Variants in OXR1 observed in about 807,000 individuals in gnomAD.
OXR1 encodes the protein oxidation resistance 1.
A neutral mutation model predicts 104.6 loss-of-function variants in OXR1; 41 were observed. The ratio of observed to expected loss-of-function variants is 0.39; its 90% CI spans 0.31 to 0.51. The LOEUF (loss-of-function observed/expected upper bound fraction) is 0.51. Among genes scored for constraint, OXR1 ranks in the 20% least tolerant of loss-of-function variants. OXR1 has a pLI of 0.77. For synonymous variants in OXR1, 348 were observed against 348.4 expected, an observed-to-expected ratio of 1.00 and a Z score of 0.01; for missense variants, 955 against 1,031.9, an observed-to-expected ratio of 0.93 and a Z score of 1.02.
intron 2 of OXR1, among the ~76,000 whole-genome samples, chr8:106,365,715 G>A (rs1047943562): frequency 6.6e-6 from 1 of 152,110 alleles, no homozygotes; most frequent in African/African-American, 2.4e-5. Context: ...TTTGAGCTAT[G>A]TGCCTTTAGA....
intron 2 of OXR1, among the ~76,000 whole-genome samples, chr8:106,411,025 C>A (rs1818436598): frequency 6.6e-6 from 1 of 152,102 alleles, no homozygotes; most frequent in South Asian, 2.1e-4. Context: ...AGCAAATAAA[C>A]CCTGCAGTGT....
intron 3 of OXR1, among the ~76,000 whole-genome samples, chr8:106,570,874 A>T (rs7830033): frequency 0.031 from 4,725 of 152,268 alleles, 132 homozygotes; most frequent in African/African-American, 0.073. Flanking sequence ...TTTCACTCTC[A>T]AACAAAATTA....
chr8:106,591,672 T>C (rs889386363), intron 3 of OXR1, among the ~76,000 whole-genome samples: 14 of 152,188 alleles, frequency 9.2e-5, no homozygotes, highest in African/African-American at 3.4e-4. Flanking sequence ...TAAATATTGC[T>C]ACCACCACCA....
intron 3 of OXR1, among the ~76,000 whole-genome samples, chr8:106,675,449 C>G (rs1036050016): frequency 2.0e-5 from 3 of 152,118 alleles, no homozygotes; most frequent in Non-Finnish European, 4.4e-5. Context: ...TTATAAGTTT[C>G]CCTCTTAACA....
At chr8:106,660,661 A>C (rs538379827) in intron 3 of OXR1, among the ~76,000 whole-genome samples, 2 of 152,318 alleles carry the variant, frequency 1.3e-5, no homozygotes, top group Non-Finnish European at 2.9e-5. Flanking sequence ...ATGTTCAGCA[A>C]TGATGTTGAT....
intron 3 of OXR1, among the ~76,000 whole-genome samples, chr8:106,548,782 A>G (rs561098069): frequency 6.6e-6 from 1 of 152,314 alleles, no homozygotes; most frequent in East Asian, 1.9e-4. Flanking sequence ...GTCATTTTCT[A>G]TTAATATGAA....
chr8:106,750,324 CT>C (rs35858491), intron 16 of OXR1, among the ~76,000 whole-genome samples: 16,147 of 137,602 alleles, frequency 0.12, 1,077 homozygotes, highest in East Asian at 0.3. Context: ...CTTTTCTTTT[CT>C]TTTTTTTTTT....
At chr8:106,708,987 A>G (rs1406214484) in intron 9 of OXR1, among the ~76,000 whole-genome samples, 1 of 151,210 alleles carries the variant, frequency 6.6e-6, no homozygotes, top group Non-Finnish European at 1.5e-5. Context: ...TTCAGTAGAT[A>G]TTAAAATAAT....
intron 1 of OXR1, among the ~76,000 whole-genome samples, chr8:106,331,391 T>C (rs1814707326): frequency 6.6e-6 from 1 of 152,212 alleles, no homozygotes. Flanking sequence ...ATAGATTAAT[T>C]TGTCATTGAA....
At chr8:106,581,496 TG>T (rs1229808916) in intron 3 of OXR1, among the ~76,000 whole-genome samples, 2 of 152,184 alleles carry the variant, frequency 1.3e-5, no homozygotes, top group African/African-American at 2.4e-5. Context: ...TTTGATTCTG[TG>T]TTTTTTTTTT....
At chr8:106,578,193 G>A (rs1283801766) in intron 3 of OXR1, among the ~76,000 whole-genome samples, 1 of 152,144 alleles carries the variant, frequency 6.6e-6, no homozygotes, top group South Asian at 2.1e-4. Context: ...CATGTGCAGG[G>A]TTCCTTCTCT....
intron 2 of OXR1, among the ~76,000 whole-genome samples, chr8:106,361,755 C>T (rs1210900782): frequency 2.6e-5 from 4 of 152,056 alleles, no homozygotes; most frequent in Non-Finnish European, 4.4e-5. Flanking sequence ...AGTCCCTCAT[C>T]GGGCTCTCTG....
At chr8:106,373,291 T>G (rs1258234708) in intron 2 of OXR1, among the ~76,000 whole-genome samples, 1 of 152,202 alleles carries the variant, frequency 6.6e-6, no homozygotes, top group Non-Finnish European at 1.5e-5. Context: ...TTTATGCTTA[T>G]TTTTAAATCC....
At chr8:106,504,392 C>T (rs1163408119) in intron 2 of OXR1, among the ~76,000 whole-genome samples, 8 of 152,150 alleles carry the variant, frequency 5.3e-5, no homozygotes, top group East Asian at 1.9e-4. Flanking sequence ...GCTGTTTTTA[C>T]GTTCCAGGTT....
chr8:106,325,838 C>T (rs1814447862), intron 1 of OXR1, among the ~76,000 whole-genome samples: 1 of 152,054 alleles, frequency 6.6e-6, no homozygotes, highest in Admixed American at 6.6e-5. Flanking sequence ...AAGAAGAGTG[C>T]CTTTTAAAAA....
chr8:106,578,441 A>G (rs1466920253), intron 3 of OXR1, among the ~76,000 whole-genome samples: 1 of 152,228 alleles, frequency 6.6e-6, no homozygotes, highest in Non-Finnish European at 1.5e-5. Context: ...TCCTGTGTAT[A>G]AGTTAACAGG....
chr8:106,634,453 C>A (rs1171775768), intron 3 of OXR1, among the ~76,000 whole-genome samples: 1 of 152,086 alleles, frequency 6.6e-6, no homozygotes, highest in Non-Finnish European at 1.5e-5. Flanking sequence ...AATGTAGGTA[C>A]TATTATACCC....
intron 3 of OXR1, among the ~76,000 whole-genome samples, chr8:106,587,616 G>A (rs749040332): frequency 6.6e-6 from 1 of 152,182 alleles, no homozygotes; most frequent in Non-Finnish European, 1.5e-5. Flanking sequence ...AGTCCCAGTA[G>A]ATAGGTTTGT....
intron 3 of OXR1, among the ~76,000 whole-genome samples, chr8:106,593,068 G>C (rs573616029): frequency 6.6e-6 from 1 of 152,074 alleles, no homozygotes; most frequent in South Asian, 2.1e-4. Context: ...AAGCTTTCCC[G>C]GATTCTTCAA....
Sources: gnomAD v4.1 joint callset for allele counts (sites outside exome capture counted in the v4.1 genomes callset) on GRCh38, gnomAD v4.1.1 for gene constraint, MANE v1.5 for transcripts, NCBI Gene and HGNC (gene_info 2026-07-23, HGNC 2026-07-21) for gene names.